CCDC97: variants seen among roughly 807,000 people sequenced by gnomAD.
CCDC97 encodes coiled-coil domain-containing protein 97.
In CCDC97, 27 loss-of-function variants were observed where a neutral mutation model predicts 33.9. That is an observed-to-expected ratio of 0.80 (90% CI 0.59 to 1.10). The LOEUF (loss-of-function observed/expected upper bound fraction) is 1.10. CCDC97 is among the 50% of genes least tolerant of loss of function. The pLI, the probability that CCDC97 is intolerant of heterozygous loss-of-function variation, is 0.00. For synonymous variants in CCDC97, 217 were observed against 194.0 expected, an observed-to-expected ratio of 1.12 and a Z score of -0.99; for missense variants, 422 against 476.6, an observed-to-expected ratio of 0.89 and a Z score of 1.07.
At position 41,316,849 on chromosome 19, in the gene CCDC97, C is replaced by A; in HGVS notation, c.502+10C>A. Reference sequence around the variant, plus strand: ...CGAGAGCTGATCCAAGGTGTGGGGGCCAGATGGGCGACAGTGGGCACATAT... The same window carrying A: ...CGAGAGCTGATCCAAGGTGTGGGGGACAGATGGGCGACAGTGGGCACATAT... On this transcript the variant is annotated intron_variant, in intron 2 of 4. Coordinates refer to ENST00000269967, the MANE Select transcript of CCDC97 (RefSeq NM_052848.3). 1 of 1,569,150 alleles carries A rather than the reference C, an allele frequency of 6.4e-7. No homozygotes were observed. Among genetic ancestry groups the A allele is most frequent in the Non-Finnish European group, 8.7e-7 (1 of 1,150,170 alleles).
rs752554527 is a variant in CCDC97 at position 41,322,629 on chromosome 19, G to A, written c.946G>A (p.Asp316Asn). ...CGACAACCCCGACTTCGACAACCTC[G>A]ACATCGTGGCACGGGATGAGGAGGA... ...VDDNPDFDNLDIVARDEEERY... is the reference protein window; with the variant it reads ...VDDNPDFDNLNIVARDEEERY... Residue 316 changes from aspartate to asparagine, a missense_variant, in exon 5 of 5, where the codon GAC becomes AAC. Asp to Asn is a conservative substitution (Grantham distance 23). Coordinates refer to ENST00000269967, the MANE Select transcript of CCDC97 (RefSeq NM_052848.3). 2 of 1,613,376 alleles carry A rather than the reference G, an allele frequency of 1.2e-6. No homozygotes were observed. The highest frequency in any genetic ancestry group is 1.7e-5 in the Admixed American group (1 of 59,982).
Position 41,322,960 on chromosome 19 carries a change from T to G in CCDC97, c.*245T>G. The G allele has an allele frequency of 2.8e-6, 1 of 355,084 alleles. No homozygotes were observed. The highest frequency in any genetic ancestry group is 3.7e-5 in the South Asian group (1 of 26,718). The allele number at this position is 355,084 out of a possible 1,614,324, so 22.0% of individuals were successfully genotyped here. A position where few individuals can be genotyped will look rare whatever the true frequency, so the allele number is the denominator to read the frequency against. ...TGTCTTTCTTGGTGTCTGTCTGGGC[T>G]TCTTTCTGTCTCTTTCTGTCTTTCT... On this transcript the variant is annotated 3_prime_UTR_variant, in exon 5 of 5. Transcript: ENST00000269967.
chr19:41,316,588 A>G lies in CCDC97; in HGVS notation c.251A>G (p.Glu84Gly). The G allele has an allele frequency of 6.2e-7, 1 of 1,614,212 alleles. No homozygotes were observed. Among genetic ancestry groups the G allele is most frequent in the Non-Finnish European group, 8.5e-7 (1 of 1,180,034 alleles). The part of the protein sequence containing the change: ...RLPVCSQQQG[E>G]PDLTEHEKVA... ...CCTGTTTGCAGCCAGCAGCAGGGTG[A>G]ACCCGACTTGACAGAGCATGAGAAA... The change falls in exon 2 of 5, where the codon GAA becomes GGA. Residue 84 changes from glutamate (E) to glycine (G), a missense_variant. Glu to Gly is a moderately conservative substitution (Grantham distance 98, BLOSUM62 -2). Coordinates refer to ENST00000269967, the MANE Select transcript of CCDC97 (RefSeq NM_052848.3).
chr19:41,310,435 A>AGTAGG (rs1308488203), intron 1 of CCDC97, 79 bp downstream of exon 1: 1 of 1,542,230 alleles, frequency 6.5e-7, no homozygotes, highest in East Asian at 2.4e-5. Context: ...AGGAACGCGA[A>AGTAGG]GTAGGACTCG....
At position 41,319,853 on chromosome 19, in the gene CCDC97, G is replaced by A. The variant is rs1290508447; in HGVS notation, c.781+1G>A. The A allele has an allele frequency of 1.4e-6, 2 of 1,398,850 alleles. No individual in the cohort carries two copies. Among genetic ancestry groups the A allele is most frequent in the African/African-American group, 2.8e-5 (2 of 70,586 alleles). The allele number at this position is 1,398,850 out of a possible 1,614,324, so 86.7% of individuals were successfully genotyped here. On this transcript the variant is annotated splice_donor_variant, in intron 3 of 4. Transcript: ENST00000269967. LOFTEE classifies it high-confidence loss of function. ...GAGGAGGAGGACAGTGACGAGGAAG[G>A]TGAGGGCCAGTAGCAGGAAGACCCC...
intron 2 of CCDC97, among the ~76,000 whole-genome samples, chr19:41,318,783 G>A (rs2037780101): frequency 6.6e-6 from 1 of 152,300 alleles, no homozygotes; most frequent in Non-Finnish European, 1.5e-5. Context: ...ACTCGAGAGA[G>A]GATGGATCTA....
In CCDC97 at chr19:41,316,405, G is replaced by C; in HGVS notation, c.68G>C (p.Gly23Ala). 1 of 1,612,700 alleles carries C rather than the reference G, an allele frequency of 6.2e-7. No individual in the cohort carries two copies. Among genetic ancestry groups the C allele is most frequent in the Non-Finnish European group, 8.5e-7 (1 of 1,178,872 alleles). ...PDKGCIEPGP[G>A]HWGELSRTPV... is the part of the protein sequence containing the mutation. ...TCAGGCTGCATAGAGCCTGGACCTG[G>C]GCACTGGGGTGAGCTGAGCCGGACA... Residue 23 changes from glycine to alanine, a missense_variant, in exon 2 of 5, where the codon GGG becomes GCG. By Grantham distance (60) the Gly-to-Ala change is moderately conservative (BLOSUM62 0). Transcript: ENST00000269967.
At chr19:41,316,262 G>T in intron 1 of CCDC97, 122 bp from the exon 2 acceptor site, 1 of 710,096 alleles carries the variant, frequency 1.4e-6, no homozygotes, top group Non-Finnish European at 2.3e-6. Context: ...GGTTTCTCTA[G>T]TGCCCAGAAC....
At chr19:41,318,092 G>C (rs555671356) in intron 2 of CCDC97, among the ~76,000 whole-genome samples, 3 of 151,910 alleles carry the variant, frequency 2.0e-5, no homozygotes, top group Non-Finnish European at 1.5e-5. Context: ...AGGAAGAGAT[G>C]GAGAGAGATC....
At position 41,322,722 on chromosome 19, in the gene CCDC97, C is replaced by A; in HGVS notation, c.*7C>A. The A allele has an allele frequency of 1.2e-6, 2 of 1,611,670 alleles. No individual in the cohort carries two copies. The highest frequency in any genetic ancestry group is 1.7e-6 in the Non-Finnish European group (2 of 1,178,652). On this transcript the variant is annotated 3_prime_UTR_variant, in exon 5 of 5. Coordinates refer to ENST00000269967, the MANE Select transcript of CCDC97 (RefSeq NM_052848.3). ...AGAGCTGGATGGGGACTGATGGCCG[C>A]CACCCTTCCCACCGCCTGCCCCATC...
At chr19:41,317,261 C>T (rs115384769) in intron 2 of CCDC97, among the ~76,000 whole-genome samples, 1,605 of 152,114 alleles carry the variant, frequency 0.011, 29 homozygotes, top group African/African-American at 0.037. Context: ...ACAAGACACA[C>T]GGTGAAAACC....
intron 2 of CCDC97, 115 bp from the exon 3 acceptor site, chr19:41,319,459 A>G (rs1457250407): frequency 3.9e-6 from 3 of 768,358 alleles, no homozygotes; most frequent in East Asian, 5.2e-5. Flanking sequence ...GTGTGCATAC[A>G]CACACTTGGA....
chr19:41,310,336 C>T lies in CCDC97; in HGVS notation c.26C>T (p.Ala9Val), dbSNP rs770126516. MEAVATATAAKEPDKGCIE... is the reference protein window; with the variant it reads MEAVATATVAKEPDKGCIE... The stretch of plus-strand genomic sequence containing the variant: ...ATGGAGGCCGTGGCGACGGCGACGG[C>T]GGCGAAGGAACCCGATAAGGGTGAG... The change falls in exon 1 of 5, where the codon GCG becomes GTG. Residue 9 changes from alanine (A) to valine (V), a missense_variant. By Grantham distance (64) the Ala-to-Val change is moderately conservative. Transcript: ENST00000269967. 9 of 1,606,432 alleles carry T rather than the reference C, an allele frequency of 5.6e-6. No homozygotes were observed. The highest frequency in any genetic ancestry group is 2.2e-5 in the East Asian group (1 of 44,590).
chr19:41,314,743 T>C (rs953157960), intron 1 of CCDC97, among the ~76,000 whole-genome samples: 5 of 152,274 alleles, frequency 3.3e-5, no homozygotes, highest in African/African-American at 1.2e-4. Context: ...GTTTACACTG[T>C]AATCTCAGCA....
At chr19:41,315,679 G>A (rs987381075) in intron 1 of CCDC97, among the ~76,000 whole-genome samples, 3 of 151,918 alleles carry the variant, frequency 2.0e-5, no homozygotes, top group African/African-American at 7.3e-5. Context: ...AGTCCTGGCT[G>A]CTCAGGAGGC....
intron 1 of CCDC97, chr19:41,310,761 C>A: frequency 9.7e-7 from 1 of 1,026,092 alleles, no homozygotes; most frequent in Non-Finnish European, 1.2e-6. Flanking sequence ...CCTACCTTTC[C>A]AGGCTAAACT....
intron 1 of CCDC97, among the ~76,000 whole-genome samples, chr19:41,316,076 G>A (rs767123627): frequency 5.9e-5 from 9 of 152,272 alleles, no homozygotes; most frequent in Middle Eastern, 3.4e-3. Context: ...CTGGGTGACC[G>A]AGCAAGACCC....
chr19:41,322,291 TC>T (rs1193617312), intron 4 of CCDC97, among the ~76,000 whole-genome samples: 1 of 152,206 alleles, frequency 6.6e-6, no homozygotes, highest in Non-Finnish European at 1.5e-5. Flanking sequence ...AGACAGGGTC[TC>T]CCTTTGTTGC....
Position 41,316,683 on chromosome 19 carries a change from C to G in CCDC97, c.346C>G (p.Arg116Gly). ...CCTGGAGCGCTTCCGCACAGGCCTCCGTGAGGAGCATCTGGCCTGCTTTGG... is the reference window on the plus strand; with the variant it reads ...CCTGGAGCGCTTCCGCACAGGCCTCGGTGAGGAGCATCTGGCCTGCTTTGG... ...VFLERFRTGL[R>G]EEHLACFGHV... The change falls in exon 2 of 5, where the codon CGT becomes GGT. Residue 116 changes from arginine (R) to glycine (G), a missense_variant. Physicochemically the swap from Arg to Gly is moderately radical, Grantham distance 125. Coordinates refer to ENST00000269967, the MANE Select transcript of CCDC97 (RefSeq NM_052848.3). 1.2e-6 allele frequency: 2 copies of G among 1,614,062 alleles called. No homozygotes were observed. Among genetic ancestry groups the G allele is most frequent in the Non-Finnish European group, 1.7e-6 (2 of 1,179,994 alleles).
Sources: allele counts gnomAD v4.1 joint callset (sites outside exome capture counted in the v4.1 genomes callset), GRCh38; gene constraint gnomAD v4.1.1; transcripts MANE v1.5; gene names NCBI Gene and HGNC (gene_info 2026-07-23, HGNC 2026-07-21).